The following TSNAXIP1 variants were observed in gnomAD, a reference collection of about 807,000 sequenced individuals.
TSNAXIP1 encodes translin associated factor X interacting protein 1.
In TSNAXIP1, 89 loss-of-function variants were observed where a neutral mutation model predicts 84.8. That is an observed-to-expected ratio of 1.05 (90% CI 0.88 to 1.25). TSNAXIP1 has a LOEUF of 1.25. Ranked by LOEUF, TSNAXIP1 falls within the 50% of genes most tolerant of loss-of-function variation. The probability of loss-of-function intolerance (pLI) is 0.00; values close to 1 mark genes in which losing one functional copy is unlikely to be tolerated. For missense variants in TSNAXIP1, 874 were observed against 887.6 expected, an observed-to-expected ratio of 0.98 and a Z score of 0.20; for synonymous variants, 347 against 335.2, an observed-to-expected ratio of 1.04 and a Z score of -0.39.
intron 2 of TSNAXIP1, among the ~76,000 whole-genome samples, chr16:67,815,538 C>A (rs1387877903): frequency 1.3e-5 from 2 of 152,030 alleles, no homozygotes; most frequent in African/African-American, 4.8e-5. Flanking sequence ...TTTGCTCTGA[C>A]ACTCTGGCTG....
At position 67,825,730 on chromosome 16, in the gene TSNAXIP1, C is replaced by T; in HGVS notation, c.878C>T (p.Thr293Ile). The stretch of plus-strand genomic sequence containing the variant: ...CTTAAGATGACCCGGCAAGACCTGA[C>T]CCGCACGCAGATGGAACTCAACAAC... Reference protein sequence around the residue: ...LALKMTRQDLTRTQMELNNMK... With the variant: ...LALKMTRQDLIRTQMELNNMK... The change falls in exon 8 of 16, where the codon ACC (threonine) becomes ATC (isoleucine). Residue 293 changes from threonine (T) to isoleucine (I), a missense_variant. Thr to Ile is a moderately conservative substitution (Grantham distance 89). Transcript: ENST00000561639. 2 of 1,614,170 alleles carry T rather than the reference C, an allele frequency of 1.2e-6. No homozygotes were observed. Among genetic ancestry groups the T allele is most frequent in the Non-Finnish European group, 1.7e-6 (2 of 1,180,036 alleles).
chr16:67,810,618 TAA>T, intron 1 of TSNAXIP1, among the ~76,000 whole-genome samples: 1 of 151,982 alleles, frequency 6.6e-6, no homozygotes, highest in South Asian at 2.1e-4. Context: ...GATTACGTCT[TAA>T]AAAAATAAAA....
intron 4 of TSNAXIP1, 64 bp from the exon 5 acceptor site, chr16:67,823,562 A>T: frequency 7.3e-7 from 1 of 1,363,228 alleles, no homozygotes; most frequent in Non-Finnish European, 1.0e-6. Context: ...GAAAAAGAAA[A>T]ACAGTTCCCC....
Position 67,825,922 on chromosome 16 carries a change from C to T in TSNAXIP1, c.990C>T (p.Asp330=). 1.2e-6 allele frequency: 2 copies of T among 1,614,074 alleles called. No individual in the cohort carries two copies. The highest frequency in any genetic ancestry group is 1.7e-6 in the Non-Finnish European group (2 of 1,180,026). ...KTNKDLQEQL[D]TLRASYEEVR... Reference sequence around the variant, plus strand: ...GCCAATGTCCTTGCCCACAGCTGGACACCCTGAGAGCCAGCTACGAGGAGG... The same window carrying T: ...GCCAATGTCCTTGCCCACAGCTGGATACCCTGAGAGCCAGCTACGAGGAGG... The change falls in exon 9 of 16, where the codon GAC becomes GAT. Residue 330 remains aspartate (D), a synonymous_variant. Transcript: ENST00000561639.
At chr16:67,822,577 A>G (rs183488192) in intron 4 of TSNAXIP1, among the ~76,000 whole-genome samples, 1 of 152,130 alleles carries the variant, frequency 6.6e-6, no homozygotes, top group Admixed American at 6.6e-5. Flanking sequence ...AGAGAGAGAG[A>G]GAGAGAGAGA....
At chr16:67,819,815 A>ATTTTTTTTTTTTTTTTTTTTTTTTTTT (rs1162375778) in intron 2 of TSNAXIP1, among the ~76,000 whole-genome samples, 35 of 102,626 alleles carry the variant, frequency 3.4e-4, no homozygotes, top group Admixed American at 6.2e-4. Context: ...ACCTGGCTAA[A>ATTTTTTTTTTTTTTTTTTTTTTTTTTT]TTTTTTTTTT....
chr16:67,809,208 G>C (rs1207894218), intron 1 of TSNAXIP1, among the ~76,000 whole-genome samples: 14 of 131,730 alleles, frequency 1.1e-4, no homozygotes, highest in South Asian at 2.5e-4. Flanking sequence ...GGTGGCTCAC[G>C]CCTGTAATCC....
intron 2 of TSNAXIP1, among the ~76,000 whole-genome samples, chr16:67,819,930 T>C (rs550314478): frequency 1.3e-4 from 20 of 151,574 alleles, no homozygotes; most frequent in African/African-American, 4.4e-4. Context: ...GCCATTCTCC[T>C]GCCTCAGCCT....
intron 1 of TSNAXIP1, chr16:67,807,478 T>A (rs2055555064): frequency 1.7e-6 from 2 of 1,158,700 alleles, no homozygotes; most frequent in African/African-American, 3.2e-5. Context: ...AAATATTTTA[T>A]TTTTGAGACA....
chr16:67,810,029 G>A (rs1475995926), intron 1 of TSNAXIP1, among the ~76,000 whole-genome samples: 1 of 152,150 alleles, frequency 6.6e-6, no homozygotes, highest in African/African-American at 2.4e-5. Context: ...AGCATTTAGT[G>A]ATGTTGGGCC....
rs760741327 is a variant in TSNAXIP1, at chr16:67,823,669, C to T, written c.431C>T (p.Thr144Met). 14 of 1,613,638 alleles carry T rather than the reference C, an allele frequency of 8.7e-6. No homozygotes were observed. Among genetic ancestry groups the T allele is most frequent in the Admixed American group, 5.0e-5 (3 of 59,964 alleles). ...IFEFFIEDFK[T>M]YKPLLSSIKN... ...GAGTTCTTCATAGAGGACTTCAAAACGTACAAGCCATTACTATCCTCCATC... is the reference window on the plus strand; with the variant it reads ...GAGTTCTTCATAGAGGACTTCAAAATGTACAAGCCATTACTATCCTCCATC... Residue 144 changes from threonine (T) to methionine (M), a missense_variant, in exon 5 of 16, where the codon ACG (threonine) becomes ATG (methionine). Coordinates refer to ENST00000561639, the MANE Select transcript of TSNAXIP1 (RefSeq NM_001288990.3).
At position 67,827,299 on chromosome 16, in the gene TSNAXIP1, A is replaced by C. The variant is rs749769343; in HGVS notation, c.1715A>C (p.Glu572Ala). Residue 572 changes from glutamate (E) to alanine (A), a missense_variant, in exon 14 of 16, where the codon GAG (glutamate) becomes GCG (alanine). Coordinates refer to ENST00000561639, the MANE Select transcript of TSNAXIP1 (RefSeq NM_001288990.3). ...CTCAAGACAGAAGAGCAAATCCAGG[A>C]GCTGATGGAGGCAGGGGGCTGGCAT... ...FPLKTEEQIQ[E>A]LMEAGGWHPS... 1.5e-5 allele frequency: 25 copies of C among 1,614,086 alleles called. No individual in the cohort carries two copies. Among genetic ancestry groups the C allele is most frequent in the Non-Finnish European group, 2.0e-5 (24 of 1,180,036 alleles).
At chr16:67,821,466 A>C (rs2057047791) in intron 4 of TSNAXIP1, among the ~76,000 whole-genome samples, 1 of 152,178 alleles carries the variant, frequency 6.6e-6, no homozygotes, top group African/African-American at 2.4e-5. Context: ...GCTACTCAGG[A>C]GGCTGAGGCA....
At chr16:67,819,391 G>A (rs1326326835) in intron 2 of TSNAXIP1, among the ~76,000 whole-genome samples, 1 of 148,574 alleles carries the variant, frequency 6.7e-6, no homozygotes, top group East Asian at 2.1e-4. Flanking sequence ...ATACAGGCGT[G>A]TGCCACCATG....
intron 1 of TSNAXIP1, among the ~76,000 whole-genome samples, chr16:67,813,095 T>C (rs2056242019): frequency 6.6e-6 from 1 of 151,628 alleles, no homozygotes; most frequent in Admixed American, 6.6e-5. Context: ...TCATTCTTAT[T>C]TAAACTTCAG....
At chr16:67,807,809 T>G (rs1196570289) in intron 1 of TSNAXIP1, 1 of 172,988 alleles carries the variant, frequency 5.8e-6, no homozygotes, top group African/African-American at 2.4e-5. Context: ...TCACAACAAC[T>G]GTATAAAGTA....
At chr16:67,816,189 G>A (rs74815020) in intron 2 of TSNAXIP1, among the ~76,000 whole-genome samples, 1 of 151,572 alleles carries the variant, frequency 6.6e-6, no homozygotes, top group Non-Finnish European at 1.5e-5. Flanking sequence ...GGATGGTCTC[G>A]ATCTCCTGCC....
At chr16:67,825,579 G>A in intron 7 of TSNAXIP1, 88 bp from the exon 8 acceptor site, 1 of 1,508,872 alleles carries the variant, frequency 6.6e-7, no homozygotes, top group Non-Finnish European at 8.9e-7. Context: ...CAAGAACCAG[G>A]GAACCCCAAA....
chr16:67,825,988 C>G lies in TSNAXIP1; in HGVS notation c.1056C>G (p.Ser352Arg). 1 of 1,614,088 alleles carries G rather than the reference C, an allele frequency of 6.2e-7. No homozygotes were observed. The highest frequency in any genetic ancestry group is 8.5e-7 in the Non-Finnish European group (1 of 1,180,036). The stretch of plus-strand genomic sequence containing the variant: ...AGATCCTCATGCAGCTGCACATGAG[C>G]ACGCTGAAGGAACGGGACCAATTCT... ...EHEILMQLHM[S>R]TLKERDQFFS... is the part of the protein sequence containing the mutation. Residue 352 changes from serine to arginine, a missense_variant, in exon 9 of 16, where the codon AGC becomes AGG. Coordinates refer to ENST00000561639, the MANE Select transcript of TSNAXIP1 (RefSeq NM_001288990.3).
Sources: allele counts gnomAD v4.1 joint callset (sites outside exome capture counted in the v4.1 genomes callset), GRCh38; gene constraint gnomAD v4.1.1; transcripts MANE v1.5; gene names NCBI Gene and HGNC (gene_info 2026-07-23, HGNC 2026-07-21).